Variants in C4BPA observed in about 807,000 individuals in gnomAD.
C4BPA encodes the protein C4b-binding protein alpha chain.
Under a neutral mutation model 63.7 loss-of-function variants are expected in C4BPA, and 31 were observed. The observed-to-expected ratio is 0.49, with a 90% confidence interval of 0.37 to 0.66. C4BPA has a LOEUF of 0.66. C4BPA is among the 30% of genes least tolerant of loss of function. The pLI is 0.00. For missense variants in C4BPA, 572 were observed against 723.3 expected, an observed-to-expected ratio of 0.79 and a Z score of 2.40; for synonymous variants, 259 against 254.7, an observed-to-expected ratio of 1.02 and a Z score of -0.16.
intron 4 of C4BPA, among the ~76,000 whole-genome samples, chr1:207,117,223 G>A (rs1684816781): frequency 6.6e-6 from 1 of 152,184 alleles, no homozygotes; most frequent in South Asian, 2.1e-4. Context: ...ACCAAGGTGG[G>A]AAGATCTCTT....
At chr1:207,126,277 C>A (rs1229311726) in intron 6 of C4BPA, among the ~76,000 whole-genome samples, 3 of 146,614 alleles carry the variant, frequency 2.0e-5, no homozygotes, top group Non-Finnish European at 3.0e-5. Flanking sequence ...TATATTATAT[C>A]AAATATAAAA....
chr1:207,131,487 G>T, intron 7 of C4BPA, 59 bp from the exon 8 acceptor site: 6 of 1,242,576 alleles, frequency 4.8e-6, no homozygotes, highest in Non-Finnish European at 6.9e-6. Flanking sequence ...CTTATTGACT[G>T]CTGTGGCAGC....
Position 207,114,196 on chromosome 1 carries a change from C to A in C4BPA, c.239C>A (p.Thr80Asn). Residue 80 changes from threonine (T) to asparagine (N), a missense_variant, in exon 3 of 12, where the codon ACC becomes AAC. Coordinates refer to ENST00000367070, the MANE Select transcript of C4BPA (RefSeq NM_000715.4). Reference protein sequence around the residue: ...RFKTGTTLKYTCLPGYVRSHS... With the variant: ...RFKTGTTLKYNCLPGYVRSHS... Reference sequence around the variant, plus strand: ...AAAACTGGAACTACTCTGAAATACACCTGCCTCCCTGGCTACGTCAGATCC... The same window carrying A: ...AAAACTGGAACTACTCTGAAATACAACTGCCTCCCTGGCTACGTCAGATCC... The A allele has an allele frequency of 1.9e-6, 3 of 1,613,720 alleles. No individual in the cohort carries two copies. The highest frequency in any genetic ancestry group is 2.5e-6 in the Non-Finnish European group (3 of 1,179,714).
At chr1:207,137,143 T>G (rs1184751246) in intron 9 of C4BPA, among the ~76,000 whole-genome samples, 1 of 152,246 alleles carries the variant, frequency 6.6e-6, no homozygotes, top group East Asian at 1.9e-4. Flanking sequence ...TGTGTGCTTT[T>G]CCCTTGTTAA....
At chr1:207,141,531 T>C (rs553172132) in intron 10 of C4BPA, among the ~76,000 whole-genome samples, 2 of 152,358 alleles carry the variant, frequency 1.3e-5, no homozygotes, top group East Asian at 3.9e-4. Context: ...TTCTTGTATA[T>C]TTCCAGAAAT....
intron 7 of C4BPA, among the ~76,000 whole-genome samples, chr1:207,131,218 T>A (rs548111275): frequency 1.3e-5 from 2 of 152,362 alleles, no homozygotes; most frequent in South Asian, 4.1e-4. Context: ...TAGTTAGATT[T>A]GTTTGTGACA....
chr1:207,118,674 C>T (rs1225786370), intron 4 of C4BPA, among the ~76,000 whole-genome samples: 1 of 152,188 alleles, frequency 6.6e-6, no homozygotes, highest in East Asian at 1.9e-4. Context: ...GGTGGGGACA[C>T]AGCCAAACCA....
chr1:207,105,374 A>G (rs1369175460), intron 1 of C4BPA, among the ~76,000 whole-genome samples: 8 of 152,036 alleles, frequency 5.3e-5, no homozygotes, highest in African/African-American at 1.9e-4. Context: ...CCTGACCAAC[A>G]TGGAGAACCC....
intron 1 of C4BPA, 43 bp downstream of exon 1, chr1:207,104,473 C>A (rs1399389246): frequency 1.3e-5 from 2 of 152,224 alleles, no homozygotes; most frequent in African/African-American, 4.8e-5. Context: ...GGAGGAAAGG[C>A]TGGTGGTTTG....
intron 2 of C4BPA, 108 bp downstream of exon 2, chr1:207,113,275 G>A (rs1198564667): frequency 2.5e-6 from 3 of 1,223,134 alleles, no homozygotes; most frequent in Non-Finnish European, 3.4e-6. Context: ...CAGAGACCCA[G>A]CTTCATCAAC....
chr1:207,138,344 C>T (rs1685338686), intron 9 of C4BPA, among the ~76,000 whole-genome samples: 2 of 152,312 alleles, frequency 1.3e-5, no homozygotes, highest in Admixed American at 6.5e-5. Flanking sequence ...TGGTTGCCTG[C>T]TTATAACCTG....
Position 207,105,072 on chromosome 1 carries a change from C to G in C4BPA, c.-26+642C>G, listed in dbSNP as rs76356633. On this transcript the variant is annotated intron_variant, in intron 1 of 11. Transcript: ENST00000367070. ...TCCTTGGTTGGCCAGGATACAGTAC[C>G]ATTCTGGTCCTCATTTTAATTCTTC... Among the ~76,000 whole-genome samples the G allele has an allele frequency of 3.0e-3, 461 of 152,294 alleles. 2 individuals carry two copies. Among genetic ancestry groups the G allele is most frequent in the African/African-American group, 0.01 (421 of 41,550 alleles).
intron 9 of C4BPA, among the ~76,000 whole-genome samples, chr1:207,138,673 G>T (rs1026563074): frequency 1.3e-5 from 2 of 152,138 alleles, no homozygotes; most frequent in Admixed American, 1.3e-4. Context: ...CCTAACATGG[G>T]CCCCGCTCAA....
intron 7 of C4BPA, among the ~76,000 whole-genome samples, chr1:207,130,683 G>T (rs1685140138): frequency 6.6e-6 from 1 of 152,120 alleles, no homozygotes; most frequent in Admixed American, 6.5e-5. Flanking sequence ...TATGCTAACT[G>T]AAATAAGCCA....
At chr1:207,108,813 C>T (rs1418217305) in intron 1 of C4BPA, among the ~76,000 whole-genome samples, 1 of 151,848 alleles carries the variant, frequency 6.6e-6, no homozygotes, top group African/African-American at 2.4e-5. Context: ...ACCTTTGCCT[C>T]CCGGGTTCAA....
At chr1:207,108,037 A>G (rs1684594034) in intron 1 of C4BPA, among the ~76,000 whole-genome samples, 1 of 152,238 alleles carries the variant, frequency 6.6e-6, no homozygotes, top group Non-Finnish European at 1.5e-5. Context: ...TAGTGAATTT[A>G]GTTTGAAACA....
At chr1:207,139,034 T>C (rs576746716) in intron 9 of C4BPA, among the ~76,000 whole-genome samples, 85 of 152,274 alleles carry the variant, frequency 5.6e-4, no homozygotes, top group Non-Finnish European at 1.1e-3. Flanking sequence ...ATCCAGACGG[T>C]CAAGATATAT....
At chr1:207,141,747 T>C (rs181318128) in intron 10 of C4BPA, among the ~76,000 whole-genome samples, 159 of 151,730 alleles carry the variant, frequency 1.0e-3, no homozygotes, top group African/African-American at 3.5e-3. Flanking sequence ...TCAGGGAGGG[T>C]GAAGGGGGAC....
At chr1:207,130,273 G>T (rs1236287675) in intron 7 of C4BPA, among the ~76,000 whole-genome samples, 1 of 152,172 alleles carries the variant, frequency 6.6e-6, no homozygotes, top group African/African-American at 2.4e-5. Flanking sequence ...CCAGCAGAAT[G>T]GCTGTAATAA....
Sources: allele counts gnomAD v4.1 joint callset (sites outside exome capture counted in the v4.1 genomes callset), GRCh38; gene constraint gnomAD v4.1.1; transcripts MANE v1.5; gene names NCBI Gene and HGNC (gene_info 2026-07-23, HGNC 2026-07-21).